The following ZNF419 variants were observed in gnomAD, a reference collection of about 807,000 sequenced individuals.
ZNF419 encodes the protein zinc finger protein 419.
ZNF419 carries 8 observed loss-of-function variants against 14.9 expected under a neutral mutation model. That is an observed-to-expected ratio of 0.54 (90% CI 0.32 to 0.97). The LOEUF is 0.97. Among genes scored for constraint, ZNF419 ranks in the 50% least tolerant of loss-of-function variants. ZNF419 has a pLI of 0.04. For missense variants in ZNF419, 595 were observed against 607.2 expected, an observed-to-expected ratio of 0.98 and a Z score of 0.21; for synonymous variants, 211 against 205.3, an observed-to-expected ratio of 1.03 and a Z score of -0.24.
chr19:57,490,350 A>G (rs934663364), intron 2 of ZNF419, 165 bp downstream of exon 2: 1 of 478,654 alleles, frequency 2.1e-6, no homozygotes, highest in Non-Finnish European at 3.7e-6. Flanking sequence ...CAGACTATAT[A>G]TTATTTTTAT....
intron 1 of ZNF419, chr19:57,489,256 G>A (rs7249705): frequency 0.28 from 42,074 of 151,970 alleles, 6,367 homozygotes; most frequent in Middle Eastern, 0.37. Flanking sequence ...ATTAACTTGT[G>A]AATTTATGAG....
At chr19:57,490,388 C>G (rs1168407178) in intron 2 of ZNF419, 2 of 378,236 alleles carry the variant, frequency 5.3e-6, no homozygotes, top group Non-Finnish European at 9.4e-6. Flanking sequence ...GAGTTTTGCT[C>G]TTGTTGCCCA....
At position 57,493,125 on chromosome 19, in the gene ZNF419, T is replaced by C. The variant is rs2123211407; in HGVS notation, c.568T>C (p.Ser190Pro). 1 of 1,614,038 alleles carries C rather than the reference T, an allele frequency of 6.2e-7. No individual in the cohort carries two copies. Among genetic ancestry groups the C allele is most frequent in the East Asian group, 2.2e-5 (1 of 44,876 alleles). Residue 190 changes from serine to proline, a missense_variant, in exon 5 of 5, where the codon TCC (serine) becomes CCC (proline). Transcript: ENST00000221735. ...THTGEKSHRS[S>P]KSREAFHAGK... ...CACAGGAGAGAAGTCACATAGGAGCTCCAAAAGTAGGGAGGCCTTTCATGC... is the reference window on the plus strand; with the variant it reads ...CACAGGAGAGAAGTCACATAGGAGCCCCAAAAGTAGGGAGGCCTTTCATGC...
intron 4 of ZNF419, 38 bp from the exon 5 acceptor site, chr19:57,492,818 A>C (rs559284778): frequency 6.2e-7 from 1 of 1,613,526 alleles, no homozygotes; most frequent in Non-Finnish European, 8.5e-7. Flanking sequence ...CTCACACCAA[A>C]GTCTACATTT....
Position 57,492,890 on chromosome 19 carries a change from T to C in ZNF419, c.333T>C (p.Pro111=), listed in dbSNP as rs1415684026. The change falls in exon 5 of 5, where the codon CCT becomes CCC. Residue 111 remains proline, a synonymous_variant. Coordinates refer to ENST00000221735, the MANE Select transcript of ZNF419 (RefSeq NM_024691.4). ...CWHGAEAEEA[P]EQIASVGLLS... is the part of the protein sequence containing the mutation. ...ATGGAGCCGAGGCTGAGGAGGCTCCTGAGCAGATTGCTTCTGTAGGACTGC... is the reference window on the plus strand; with the variant it reads ...ATGGAGCCGAGGCTGAGGAGGCTCCCGAGCAGATTGCTTCTGTAGGACTGC... 1 of 1,614,086 alleles carries C rather than the reference T, an allele frequency of 6.2e-7. No individual in the cohort carries two copies. Among genetic ancestry groups the C allele is most frequent in the Admixed American group, 1.7e-5 (1 of 60,002 alleles).
chr19:57,489,484 C>CTTTTTTTTTTTT (rs10602834), intron 1 of ZNF419: 5 of 85,426 alleles, frequency 5.9e-5, no homozygotes, highest in East Asian at 3.2e-4. Context: ...TTCTTTCTTT[C>CTTTTTTTTTTTT]TTTTTTTTTT....
Position 57,487,783 on chromosome 19 carries a change from T to G in ZNF419, c.-168T>G. ...CTTTCGCGACTCAGGTGAACTAACC[T>G]GCGAGAAGCTGGTTGTGCGCTGAGG... is the stretch of plus-strand genomic sequence containing the variant. On this transcript the variant is annotated 5_prime_UTR_variant, in exon 1 of 5. Transcript: ENST00000221735. 1.1e-6 allele frequency: 1 copy of G among 918,690 alleles called. No individual in the cohort carries two copies. The highest frequency in any genetic ancestry group is 1.7e-6 in the Non-Finnish European group (1 of 590,832). 56.9% of individuals were successfully genotyped at this position (918,690 alleles called of 1,614,324 possible). A position where few individuals can be genotyped will look rare whatever the true frequency, so the allele number is the denominator to read the frequency against.
In ZNF419 at chr19:57,492,978, G is replaced by C. The variant is rs2074076; in HGVS notation, c.421G>C (p.Glu141Gln). ...TGGAGAGAAACCCTTAAAAAGACAA[G>C]AGGGCAGGGTCCCAGTTTTGAGGAG... ...HCGEKPLKRQ[E>Q]GRVPVLRSCK... Residue 141 changes from glutamate to glutamine, a missense_variant, in exon 5 of 5, where the codon GAG (glutamate) becomes CAG (glutamine). Coordinates refer to ENST00000221735, the MANE Select transcript of ZNF419 (RefSeq NM_024691.4). 1,129,514 of 1,613,790 alleles carry C rather than the reference G, an allele frequency of 0.7. 396,520 individuals carry two copies. Among genetic ancestry groups the C allele is most frequent in the South Asian group, 0.79 (71,900 of 91,074 alleles).
In ZNF419 at chr19:57,492,222, G is replaced by T; in HGVS notation, c.298+11G>T. 6.2e-7 allele frequency: 1 copy of T among 1,613,974 alleles called. No individual in the cohort carries two copies. Among genetic ancestry groups the T allele is most frequent in the African/African-American group, 1.3e-5 (1 of 75,000 alleles). On this transcript the variant is annotated intron_variant, in intron 4 of 4. Coordinates refer to ENST00000221735, the MANE Select transcript of ZNF419 (RefSeq NM_024691.4). ...CAGCCATACCGAGAGGTAGTTGGTG[G>T]GTGGAGCTCAGGGAGGTGTGAACTC... is the stretch of plus-strand genomic sequence containing the variant.
chr19:57,488,025 C>T, intron 1 of ZNF419, 42 bp downstream of exon 1: 3 of 1,611,170 alleles, frequency 1.9e-6, no homozygotes, highest in Non-Finnish European at 2.5e-6. Flanking sequence ...ATCCTAAAGC[C>T]CTGTGAGGGC....
Position 57,493,817 on chromosome 19 carries a change from T to A in ZNF419, c.1260T>A (p.Val420=). ...CCACCCTAGTTAGACATCAGAGGGT[T>A]CACACTGGAGCAAAGCCTTATGAGT... is the stretch of plus-strand genomic sequence containing the variant. ...ENSTLVRHQR[V]HTGAKPYECR... is the part of the protein sequence containing the mutation. The change falls in exon 5 of 5, where the codon GTT becomes GTA. Residue 420 remains valine, a synonymous_variant. Coordinates refer to ENST00000221735, the MANE Select transcript of ZNF419 (RefSeq NM_024691.4). 1 of 1,614,098 alleles carries A rather than the reference T, an allele frequency of 6.2e-7. No homozygotes were observed. The highest frequency in any genetic ancestry group is 8.5e-7 in the Non-Finnish European group (1 of 1,179,976).
In ZNF419 at chr19:57,494,136, G is replaced by T. The variant is rs573455592; in HGVS notation, c.*46G>T. 6.5e-7 allele frequency: 1 copy of T among 1,541,290 alleles called. No homozygotes were observed. The highest frequency in any genetic ancestry group is 2.2e-5 in the East Asian group (1 of 44,464). ...AGCGTTTCAACCTCATTCAACACCA[G>T]AAAGTTCACAGTGGAAAAAATCTTG... is the stretch of plus-strand genomic sequence containing the variant. On this transcript the variant is annotated 3_prime_UTR_variant, in exon 5 of 5. Coordinates refer to ENST00000221735, the MANE Select transcript of ZNF419 (RefSeq NM_024691.4).
At chr19:57,492,283 A>G in intron 4 of ZNF419, 72 bp downstream of exon 4, 14 of 1,511,808 alleles carry the variant, frequency 9.3e-6, no homozygotes, top group Non-Finnish European at 1.3e-5. Flanking sequence ...AGGCCCAGAT[A>G]TTTTGATACC....
Position 57,492,173 on chromosome 19 carries a change from T to G in ZNF419, c.260T>G (p.Met87Arg). The change falls in exon 4 of 5, where the codon ATG becomes AGG. Residue 87 changes from methionine to arginine, a missense_variant. Physicochemically the swap from Met to Arg is moderately conservative, Grantham distance 91. Coordinates refer to ENST00000221735, the MANE Select transcript of ZNF419 (RefSeq NM_024691.4). Reference protein sequence around the residue: ...TQLESWEEPFMPAWEVVTSAI... With the variant: ...TQLESWEEPFRPAWEVVTSAI... ...CTGGAGTCATGGGAGGAGCCCTTCA[T>G]GCCTGCTTGGGAAGTTGTGACTTCA... The G allele has an allele frequency of 6.2e-7, 1 of 1,613,716 alleles. No homozygotes were observed. The highest frequency in any genetic ancestry group is 1.1e-5 in the South Asian group (1 of 91,036).
intron 2 of ZNF419, 30 bp from the exon 3 acceptor site, chr19:57,491,441 A>T: frequency 3.1e-6 from 5 of 1,609,564 alleles, no homozygotes; most frequent in Non-Finnish European, 4.3e-6. Flanking sequence ...AGGAGGCTGC[A>T]GATAAACTCT....
chr19:57,487,931 A>T lies in ZNF419; in HGVS notation c.-20A>T, dbSNP rs766545317. 8 of 1,613,062 alleles carry T rather than the reference A, an allele frequency of 5.0e-6. No individual in the cohort carries two copies. In the African/African-American group the frequency reaches 1.1e-4, roughly 22 times the overall value. The stretch of plus-strand genomic sequence containing the variant: ...TTTCCTCGGTCATTGTCTCCCCTCC[A>T]GCTCTACTCACAGGCTCCGATGGCG... On this transcript the variant is annotated 5_prime_UTR_variant, in exon 1 of 5. Transcript: ENST00000221735.
rs1445224445 is a variant in ZNF419 at position 57,494,333 on chromosome 19, C to G, written c.*243C>G. 1 of 527,518 alleles carries G rather than the reference C, an allele frequency of 1.9e-6. No individual in the cohort carries two copies. The highest frequency in any genetic ancestry group is 3.1e-6 in the Non-Finnish European group (1 of 318,704). The allele number at this position is 527,518 out of a possible 1,614,324, so 32.7% of individuals were successfully genotyped here. A position where few individuals can be genotyped will look rare whatever the true frequency, so the allele number is the denominator to read the frequency against. On this transcript the variant is annotated 3_prime_UTR_variant, in exon 5 of 5. Transcript: ENST00000221735. ...AGGCCTTAGGGTGACAGGTTATGTA[C>G]TGTCTCTGAATCAATATGACCTCAC...
intron 4 of ZNF419, 144 bp from the exon 5 acceptor site, chr19:57,492,712 C>A (rs1232544069): frequency 1.8e-6 from 2 of 1,142,034 alleles, no homozygotes; most frequent in African/African-American, 1.5e-5. Flanking sequence ...GCACAGCAGG[C>A]CCTTCCCTGC....
intron 1 of ZNF419, 64 bp from the exon 2 acceptor site, chr19:57,490,083 A>G: frequency 6.6e-7 from 1 of 1,506,318 alleles, no homozygotes; most frequent in Non-Finnish European, 9.2e-7. Flanking sequence ...AGGCTAGACG[A>G]GTGGGCTTGG....
Sources: allele counts gnomAD v4.1 joint callset, GRCh38; gene constraint gnomAD v4.1.1; transcripts MANE v1.5; gene names NCBI Gene and HGNC (gene_info 2026-07-23, HGNC 2026-07-21).